The following SEC14L5 variants were observed in gnomAD, a reference collection of about 807,000 sequenced individuals.
The protein encoded by SEC14L5 is SEC14-like protein 5.
In SEC14L5, 96 loss-of-function variants were observed where a neutral mutation model predicts 84.6. The observed-to-expected ratio is 1.13, with a 90% CI of 0.96 to 1.34. The LOEUF (loss-of-function observed/expected upper bound fraction) is 1.34, where lower values mean the gene tolerates loss of function less well. Ranked by LOEUF, SEC14L5 falls within the 40% of genes most tolerant of loss-of-function variation. The pLI is 0.00. For missense variants in SEC14L5, 1,224 were observed against 942.5 expected (o/e 1.30, Z -3.91); for synonymous variants, 546 against 383.4 (o/e 1.42, Z -4.95).
Position 4,987,575 on chromosome 16 carries a change from C to A in SEC14L5, c.82C>A (p.Pro28Thr). 1 of 1,560,344 alleles carries A rather than the reference C, an allele frequency of 6.4e-7. No homozygotes were observed. The highest frequency in any genetic ancestry group is 8.7e-7 in the Non-Finnish European group (1 of 1,153,358). The change falls in exon 3 of 16, where the codon CCC (proline) becomes ACC (threonine). Residue 28 changes from proline to threonine, a missense_variant. Coordinates refer to ENST00000251170, the MANE Select transcript of SEC14L5 (RefSeq NM_014692.2). Reference protein sequence around the residue: ...LVMAAYEKRFPTCPQIPVFLG... With the variant: ...LVMAAYEKRFTTCPQIPVFLG... ...CCCCCAGGCCTACGAGAAGCGTTTC[C>A]CCACGTGCCCACAGATCCCAGTCTT...
intron 2 of SEC14L5, among the ~76,000 whole-genome samples, chr16:4,978,955 C>G (rs1052958668): frequency 1.3e-5 from 2 of 152,122 alleles, no homozygotes; most frequent in African/African-American, 2.4e-5. Flanking sequence ...AGGCTGGTCT[C>G]GAAGTCCTGG....
At position 4,996,994 on chromosome 16, in the gene SEC14L5, C is replaced by T. The variant is rs1229945046; in HGVS notation, c.920C>T (p.Pro307Leu). Residue 307 changes from proline (P) to leucine (L), a missense_variant, in exon 8 of 16, where the codon CCT becomes CTT. Physicochemically the swap from Pro to Leu is moderately conservative, Grantham distance 98 (BLOSUM62 -3). Coordinates refer to ENST00000251170, the MANE Select transcript of SEC14L5 (RefSeq NM_014692.2). Reference protein sequence around the residue: ...VDLLLQTWQPPALLEEFYAGG... With the variant: ...VDLLLQTWQPLALLEEFYAGG... ...CTCCTCCTTCAGACCTGGCAACCCC[C>T]TGCCCTGCTGGAGGAGTTCTATGCA... The T allele has an allele frequency of 2.5e-6, 4 of 1,613,236 alleles. No individual in the cohort carries two copies. The highest frequency in any genetic ancestry group is 3.4e-6 in the Non-Finnish European group (4 of 1,179,638).
intron 2 of SEC14L5, among the ~76,000 whole-genome samples, chr16:4,964,530 G>A (rs1451002587): frequency 6.6e-6 from 1 of 152,068 alleles, no homozygotes; most frequent in Non-Finnish European, 1.5e-5. Flanking sequence ...GTTGCAGGGA[G>A]CCGAGTTCGC....
chr16:4,970,196 G>A (rs146326788), intron 2 of SEC14L5, among the ~76,000 whole-genome samples: 1 of 152,250 alleles, frequency 6.6e-6, no homozygotes, highest in Non-Finnish European at 1.5e-5. Context: ...CAAATGCCAT[G>A]TAGAACCATT....
At chr16:4,979,569 T>G (rs1955394163) in intron 2 of SEC14L5, among the ~76,000 whole-genome samples, 1 of 152,318 alleles carries the variant, frequency 6.6e-6, no homozygotes, top group South Asian at 2.1e-4. Context: ...CATCGGCACC[T>G]TTTGGTCATC....
intron 2 of SEC14L5, among the ~76,000 whole-genome samples, chr16:4,983,660 C>T (rs999776399): frequency 1.3e-5 from 2 of 151,494 alleles, no homozygotes; most frequent in Non-Finnish European, 2.9e-5. Context: ...ACGGATCACC[C>T]GAAGTCAGGA....
At chr16:4,991,136 T>C (rs1392026678) in intron 5 of SEC14L5, among the ~76,000 whole-genome samples, 2 of 151,144 alleles carry the variant, frequency 1.3e-5, no homozygotes. Context: ...TGGTGAATTA[T>C]CTGGACAACA....
At chr16:4,973,308 G>T (rs1381528292) in intron 2 of SEC14L5, among the ~76,000 whole-genome samples, 2 of 152,166 alleles carry the variant, frequency 1.3e-5, no homozygotes, top group Admixed American at 1.3e-4. Flanking sequence ...TGTGTGTCCC[G>T]GGCTGGCTTT....
chr16:4,968,405 C>A (rs1413790318), intron 2 of SEC14L5, among the ~76,000 whole-genome samples: 5 of 152,200 alleles, frequency 3.3e-5, no homozygotes, highest in Non-Finnish European at 5.9e-5. Flanking sequence ...TCTCGAACTC[C>A]CGACCTCAGG....
At chr16:5,002,113 T>A (rs901727198) in intron 10 of SEC14L5, among the ~76,000 whole-genome samples, 7 of 152,176 alleles carry the variant, frequency 4.6e-5, no homozygotes, top group African/African-American at 1.7e-4. Flanking sequence ...ATAATAAGGG[T>A]TTAAAAATAA....
At chr16:4,990,512 A>T (rs1955541069) in intron 4 of SEC14L5, among the ~76,000 whole-genome samples, 1 of 152,238 alleles carries the variant, frequency 6.6e-6, no homozygotes, top group African/African-American at 2.4e-5. Context: ...ATAATATTGA[A>T]AGGGCAGGGC....
chr16:4,966,088 C>G (rs930802964), intron 2 of SEC14L5, among the ~76,000 whole-genome samples: 3 of 152,036 alleles, frequency 2.0e-5, no homozygotes, highest in Admixed American at 6.6e-5. Flanking sequence ...AAATATTTAA[C>G]AAACTCATAC....
intron 2 of SEC14L5, among the ~76,000 whole-genome samples, chr16:4,982,510 C>T (rs1308602071): frequency 1.3e-5 from 2 of 152,144 alleles, no homozygotes; most frequent in Non-Finnish European, 2.9e-5. Context: ...CAGCTCTACA[C>T]CCCCGCCTGG....
chr16:4,972,490 T>G (rs560209357), intron 2 of SEC14L5, among the ~76,000 whole-genome samples: 1 of 152,266 alleles, frequency 6.6e-6, no homozygotes, highest in South Asian at 2.1e-4. Flanking sequence ...AACTCTCCAC[T>G]CCCTGCTCCC....
intron 2 of SEC14L5, among the ~76,000 whole-genome samples, chr16:4,978,870 G>A (rs1413906509): frequency 6.6e-6 from 1 of 152,146 alleles, no homozygotes; most frequent in Admixed American, 6.5e-5. Context: ...CAAAGTGCTG[G>A]GATTACAGGC....
At chr16:5,000,952 C>T in intron 10 of SEC14L5, 27 bp downstream of exon 10, 1 of 1,571,308 alleles carries the variant, frequency 6.4e-7, no homozygotes, top group Non-Finnish European at 8.7e-7. Flanking sequence ...GGCACAAATC[C>T]CCCCTAAACA....
At chr16:4,970,641 C>T (rs954154370) in intron 2 of SEC14L5, among the ~76,000 whole-genome samples, 30 of 152,310 alleles carry the variant, frequency 2.0e-4, no homozygotes, top group African/African-American at 5.8e-4. Flanking sequence ...CCCTGGGCCC[C>T]GCTCCTGACA....
At chr16:4,989,997 A>G (rs11639686) in intron 4 of SEC14L5, among the ~76,000 whole-genome samples, 2 of 151,882 alleles carry the variant, frequency 1.3e-5, no homozygotes. Context: ...GCAAACATAC[A>G]GATCTATAAA....
intron 3 of SEC14L5, 96 bp from the exon 4 acceptor site, chr16:4,988,052 CA>C: frequency 7.5e-7 from 1 of 1,335,156 alleles, no homozygotes; most frequent in East Asian, 2.4e-5. Flanking sequence ...GGACTCAGGG[CA>C]GGGGGTGACT....
Sources: gnomAD v4.1 joint callset for allele counts (sites outside exome capture counted in the v4.1 genomes callset) on GRCh38, gnomAD v4.1.1 for gene constraint, MANE v1.5 for transcripts, NCBI Gene and HGNC (gene_info 2026-07-23, HGNC 2026-07-21) for gene names.